NEB: variants seen among roughly 807,000 people sequenced by gnomAD.
NEB encodes nemaline myopathy type 2.
NEB carries 512 observed loss-of-function variants against 952.2 expected under a neutral mutation model. The ratio of observed to expected loss-of-function variants is 0.54; its 90% CI spans 0.50 to 0.58. The LOEUF (loss-of-function observed/expected upper bound fraction) is 0.58. Ranked by LOEUF, NEB falls within the 20% of genes least tolerant of loss-of-function variation. The pLI, the probability that NEB is intolerant of heterozygous loss-of-function variation, is 0.00. For synonymous variants in NEB, 2,900 were observed against 3,149.8 expected (o/e 0.92, Z 2.66); for missense variants, 8,428 against 9,231.1 (o/e 0.91, Z 3.56).
At chr2:151,627,860 A>C (rs755796377) in intron 68 of NEB, 26 bp from the exon 69 acceptor site, 2 of 1,598,136 alleles carry the variant, frequency 1.3e-6, no homozygotes, top group Non-Finnish European at 1.7e-6. Flanking sequence ...TCATTTCAAA[A>C]ATAAAAATGA....
intron 36 of NEB, among the ~76,000 whole-genome samples, chr2:151,673,859 T>C (rs536240414): frequency 1.3e-5 from 2 of 149,802 alleles, no homozygotes; most frequent in Non-Finnish European, 3.0e-5. Flanking sequence ...TCAGCCTCCC[T>C]AGCAGCTGGG....
At chr2:151,541,709 C>T (rs2094094962) in intron 135 of NEB, among the ~76,000 whole-genome samples, 158 bp from the exon 136 acceptor site, 1 of 152,182 alleles carries the variant, frequency 6.6e-6, no homozygotes, top group South Asian at 2.1e-4. Context: ...TTACCTCCTG[C>T]ACCCTCCTTT....
At chr2:151,655,586 G>A (rs1269903754) in intron 50 of NEB, among the ~76,000 whole-genome samples, 4 of 151,962 alleles carry the variant, frequency 2.6e-5, no homozygotes, top group Admixed American at 1.3e-4. Flanking sequence ...TGGACTGAAA[G>A]TATTGAAGAT....
chr2:151,610,447 G>A, intron 80 of NEB, 69 bp downstream of exon 80: 1 of 1,209,938 alleles, frequency 8.3e-7, no homozygotes, highest in Non-Finnish European at 1.2e-6. Context: ...AGAGTGTGTG[G>A]TTCACCAGCC....
chr2:151,576,291 C>G lies in NEB; in HGVS notation c.16768G>C (p.Glu5590Gln), dbSNP rs1349988671. Residue 5590 changes from glutamate to glutamine, a missense_variant, in exon 106 of 182, where the codon GAA becomes CAA. Glu to Gln is a conservative substitution (Grantham distance 29). Transcript: ENST00000397345. ...TGGGCGTTTTTGACTCTCAACACTT[C>G]AGGAGACCCTTGGGGCATCCAGCCA... ...GIGWMPQGSP[E>Q]VLRVKNAQNI... is the part of the protein sequence containing the mutation. The G allele has an allele frequency of 6.2e-7, 1 of 1,610,858 alleles. No homozygotes were observed. The highest frequency in any genetic ancestry group is 8.5e-7 in the Non-Finnish European group (1 of 1,178,020).
chr2:151,576,665 G>C (rs1017354205), intron 105 of NEB, among the ~76,000 whole-genome samples: 20 of 150,180 alleles, frequency 1.3e-4, no homozygotes, highest in African/African-American at 4.7e-4. Context: ...CCGAGTAGTT[G>C]AGACTACAGG....
At chr2:151,578,853 G>A (rs1024277715) in intron 105 of NEB, among the ~76,000 whole-genome samples, 26 of 151,050 alleles carry the variant, frequency 1.7e-4, no homozygotes, top group Non-Finnish European at 3.1e-4. Flanking sequence ...AGGCTGAGAC[G>A]GGTGGATCAC....
At chr2:151,499,787 TC>T (rs1424999424) in intron 168 of NEB, among the ~76,000 whole-genome samples, 3 of 152,208 alleles carry the variant, frequency 2.0e-5, no homozygotes, top group Admixed American at 1.3e-4. Flanking sequence ...ACAGGCCAAA[TC>T]TATGCAATAT....
chr2:151,581,660 G>C (rs2097098142), intron 102 of NEB, 73 bp from the exon 103 acceptor site: 4 of 1,490,264 alleles, frequency 2.7e-6, no homozygotes, highest in Admixed American at 2.0e-5. Context: ...AAATTATAAA[G>C]TCATAAAACA....
chr2:151,561,918 G>A (rs1391286257), intron 121 of NEB, among the ~76,000 whole-genome samples, 192 bp downstream of exon 121: 1 of 152,128 alleles, frequency 6.6e-6, no homozygotes, highest in Admixed American at 6.6e-5. Context: ...TAAACCAAAG[G>A]AGAGACTCAG....
At position 151,669,092 on chromosome 2, in the gene NEB, A is replaced by G; in HGVS notation, c.4546T>C (p.Tyr1516His). 1 of 1,592,190 alleles carries G rather than the reference A, an allele frequency of 6.3e-7. No individual in the cohort carries two copies. Among genetic ancestry groups the G allele is most frequent in the Non-Finnish European group, 8.6e-7 (1 of 1,167,918 alleles). Residue 1516 changes from tyrosine to histidine, a missense_variant, in exon 39 of 182, where the codon TAT (tyrosine) becomes CAT (histidine). Physicochemically the swap from Tyr to His is moderately conservative, Grantham distance 83. Transcript: ENST00000397345. The stretch of plus-strand genomic sequence containing the variant: ...TGAGGCAATTCAGGGTCAATAGTAT[A>G]CTTGTGCTTCAGTTTCTCTCCCTCT... Reference protein sequence around the residue: ...KVEGEKLKHKYTIDPELPQFI... With the variant: ...KVEGEKLKHKHTIDPELPQFI...
intron 153 of NEB, among the ~76,000 whole-genome samples, chr2:151,521,576 AAAG>A (rs1175053234): frequency 6.6e-6 from 1 of 152,230 alleles, no homozygotes; most frequent in Non-Finnish European, 1.5e-5. Flanking sequence ...GTAGGGAAGA[AAAG>A]AAGCAAAAGC....
Position 151,628,319 on chromosome 2 carries a change from G to C in NEB, c.9832-485C>G, listed in dbSNP as rs540140967. Among the ~76,000 whole-genome samples the C allele has an allele frequency of 5.9e-5, 9 of 152,278 alleles. No homozygotes were observed. In the East Asian group the frequency reaches 1.7e-3, roughly 29 times the overall value. On this transcript the variant is annotated intron_variant, in intron 68 of 181. Coordinates refer to ENST00000397345, the MANE Select transcript of NEB (RefSeq NM_001164508.2). The stretch of plus-strand genomic sequence containing the variant: ...CACACTCCTTCCCAAATCCAGCTCT[G>C]CTGGGGCACTTGACTCCCTGAAGTG...
intron 146 of NEB, 56 bp downstream of exon 146, chr2:151,529,154 G>A: frequency 8.5e-7 from 1 of 1,178,000 alleles, no homozygotes; most frequent in Non-Finnish European, 1.3e-6. Context: ...GAGGCCATGT[G>A]TCCTACAGAA....
intron 171 of NEB, 122 bp from the exon 172 acceptor site, chr2:151,497,155 T>G: frequency 7.5e-7 from 1 of 1,333,996 alleles, no homozygotes; most frequent in Non-Finnish European, 1.0e-6. Flanking sequence ...GAGCCAGAAG[T>G]TATATGCTGA....
chr2:151,567,737 A>AAT (rs2096467102), intron 113 of NEB, among the ~76,000 whole-genome samples: 1 of 152,156 alleles, frequency 6.6e-6, no homozygotes, highest in African/African-American at 2.4e-5. Flanking sequence ...ATAGAGAAAA[A>AAT]ATATATACTT....
chr2:151,528,152 G>A (rs573252580), intron 146 of NEB, among the ~76,000 whole-genome samples: 44 of 152,280 alleles, frequency 2.9e-4, no homozygotes, highest in African/African-American at 9.9e-4. Context: ...AGGCAGTCTG[G>A]CTGCAGAGGG....
In NEB at chr2:151,692,146, A is replaced by G; in HGVS notation, c.2019T>C (p.Tyr673=). Residue 673 remains tyrosine (Y), a synonymous_variant, in exon 22 of 182, where the codon TAT becomes TAC. Transcript: ENST00000397345. ...CATAATGTCCCAAAACATCCTTTAC[A>G]TATAAGTCTTTATATCTAGCCTGAA... The part of the protein sequence containing the change: ...NFSEARYKDL[Y]VKDVLGHYVG... 6.2e-7 allele frequency: 1 copy of G among 1,613,832 alleles called. No homozygotes were observed.
In NEB at chr2:151,551,683, A is replaced by T. The variant is rs975415457; in HGVS notation, c.19944+55T>A. The T allele has an allele frequency of 2.2e-6, 3 of 1,390,096 alleles. No homozygotes were observed. In the African/African-American group the frequency reaches 4.3e-5, roughly 20 times the overall value. The allele number at this position is 1,390,096 out of a possible 1,614,324, so 86.1% of individuals were successfully genotyped here. ...GAGGAAGCAAGCTCAGCTTGCTTCC[A>T]CAGAGGCTGATGGAACGGATTTCTG... On this transcript the variant is annotated intron_variant, in intron 129 of 181. Coordinates refer to ENST00000397345, the MANE Select transcript of NEB (RefSeq NM_001164508.2).
Sources: allele counts gnomAD v4.1 joint callset (sites outside exome capture counted in the v4.1 genomes callset), GRCh38; gene constraint gnomAD v4.1.1; transcripts MANE v1.5; gene names NCBI Gene and HGNC (gene_info 2026-07-23, HGNC 2026-07-21).